The following ABHD14A variants were observed in gnomAD, a reference collection of about 807,000 sequenced individuals.
ABHD14A encodes the protein protein ABHD14A.
A neutral mutation model predicts 27.0 loss-of-function variants in ABHD14A; 19 were observed. The observed-to-expected ratio is 0.70, with a 90% CI of 0.49 to 1.03. The LOEUF is 1.03. ABHD14A is among the 50% of genes least tolerant of loss of function. The pLI is 0.00. For missense variants in ABHD14A, 311 were observed against 344.6 expected, an observed-to-expected ratio of 0.90 and a Z score of 0.77; for synonymous variants, 148 against 158.8, an observed-to-expected ratio of 0.93 and a Z score of 0.51.
intron 1 of ABHD14A, among the ~76,000 whole-genome samples, chr3:51,976,090 A>C (rs1289106221): frequency 2.6e-5 from 4 of 152,252 alleles, no homozygotes; most frequent in African/African-American, 4.8e-5. Flanking sequence ...CCGAGTGGGC[A>C]GCAAGGAAAT....
At position 51,978,019 on chromosome 3, in the gene ABHD14A, G is replaced by C. The variant is rs772723513; in HGVS notation, c.218G>C (p.Gly73Ala). The change falls in exon 2 of 5, where the codon GGT becomes GCT. Residue 73 changes from glycine (G) to alanine (A), a missense_variant. Coordinates refer to ENST00000273596, the MANE Select transcript of ABHD14A (RefSeq NM_015407.5). ...GACCCCAATGTCACAGTCCTGGCTG[G>C]TCTCACCCCTGGCAACTCGCCCATC... ...WGDPNVTVLA[G>A]LTPGNSPIFY... 1.2e-6 allele frequency: 2 copies of C among 1,613,960 alleles called. No individual in the cohort carries two copies. The highest frequency in any genetic ancestry group is 2.2e-5 in the East Asian group (1 of 44,896).
At position 51,978,367 on chromosome 3, in the gene ABHD14A, C is replaced by G; in HGVS notation, c.390C>G (p.Asp130Glu). 1 of 1,551,190 alleles carries G rather than the reference C, an allele frequency of 6.4e-7. No homozygotes were observed. The highest frequency in any genetic ancestry group is 8.7e-7 in the Non-Finnish European group (1 of 1,146,600). ...GGGGCTACCGGGCCGTGGCCCTTGA[C>G]CTTCCAGGTGAGCACCCCCACCCCT... The part of the protein sequence containing the change: ...SQRGYRAVAL[D>E]LPGFGNSAPS... The change falls in exon 3 of 5, where the codon GAC becomes GAG. Residue 130 changes from aspartate (D) to glutamate (E), a missense_variant. Coordinates refer to ENST00000273596, the MANE Select transcript of ABHD14A (RefSeq NM_015407.5).
At position 51,975,216 on chromosome 3, in the gene ABHD14A, G is replaced by T; in HGVS notation, c.69+12G>T. 1 of 1,252,418 alleles carries T rather than the reference G, an allele frequency of 8.0e-7. No individual in the cohort carries two copies. 77.6% of individuals were successfully genotyped at this position (1,252,418 alleles called of 1,614,324 possible). ...TCCCGTTGGGCCCGGTGAGTCTCCCGGGGGAGGGAGGCCGGCCGGTGGCCC... is the reference window on the plus strand; with the variant it reads ...TCCCGTTGGGCCCGGTGAGTCTCCCTGGGGAGGGAGGCCGGCCGGTGGCCC... On this transcript the variant is annotated intron_variant, in intron 1 of 4. Transcript: ENST00000273596.
rs1700901721 is a variant in ABHD14A, at chr3:51,981,155, C to G, written c.*137C>G. The G allele has an allele frequency of 2.3e-6, 2 of 867,594 alleles. No individual in the cohort carries two copies. Among genetic ancestry groups the G allele is most frequent in the African/African-American group, 3.4e-5 (2 of 59,090 alleles). The allele number at this position is 867,594 out of a possible 1,614,324, so 53.7% of individuals were successfully genotyped here. On this transcript the variant is annotated 3_prime_UTR_variant, in exon 5 of 5. Coordinates refer to ENST00000273596, the MANE Select transcript of ABHD14A (RefSeq NM_015407.5). ...ACCCAGCCAGGACTCCTCATTTCAT[C>G]TCACAGACACAATAAAAAAGCATAT...
intron 2 of ABHD14A, 56 bp downstream of exon 2, chr3:51,978,138 GTGGGACCCCCATTATAC>G: frequency 6.4e-7 from 1 of 1,564,676 alleles, no homozygotes; most frequent in Non-Finnish European, 8.7e-7. Context: ...GAGTCCCTGT[GTGGGACCCCCATTATAC>G]TCAGGGTGCT....
intron 3 of ABHD14A, 101 bp from the exon 4 acceptor site, chr3:51,980,292 G>T: frequency 9.9e-7 from 1 of 1,007,692 alleles, no homozygotes; most frequent in Non-Finnish European, 1.6e-6. Flanking sequence ...GGTAGTGTGT[G>T]CCAGTGCCAG....
At chr3:51,975,833 G>A (rs986753021) in intron 1 of ABHD14A, among the ~76,000 whole-genome samples, 1 of 152,144 alleles carries the variant, frequency 6.6e-6, no homozygotes, top group Non-Finnish European at 1.5e-5. Flanking sequence ...TACATGCAGG[G>A]AATAGCTTGT....
intron 3 of ABHD14A, 173 bp from the exon 4 acceptor site, chr3:51,980,220 C>G: frequency 1.4e-6 from 1 of 727,714 alleles, no homozygotes; most frequent in Non-Finnish European, 2.5e-6. Flanking sequence ...CCACTCTCGG[C>G]CAAGATATGC....
At chr3:51,979,516 G>C (rs1414707361) in intron 3 of ABHD14A, among the ~76,000 whole-genome samples, 2 of 140,388 alleles carry the variant, frequency 1.4e-5, no homozygotes, top group Non-Finnish European at 3.0e-5. Context: ...ACAGAGCCTC[G>C]CTCTGTCACC....
chr3:51,980,578 G>C lies in ABHD14A; in HGVS notation c.583G>C (p.Ala195Pro), dbSNP rs141581474. Residue 195 changes from alanine (A) to proline (P), a missense_variant, in exon 4 of 5, where the codon GCA (alanine) becomes CCA (proline). By Grantham distance (27) the Ala-to-Pro change is conservative. Transcript: ENST00000273596. The part of the protein sequence containing the change: ...HHQLHGFVPI[A>P]PTSTQNYTQE... ...CCAGCTACATGGATTTGTGCCCATCGCACCCACCTCCACCCAGAACTACAC... is the reference window on the plus strand; with the variant it reads ...CCAGCTACATGGATTTGTGCCCATCCCACCCACCTCCACCCAGAACTACAC... 2.9e-5 allele frequency: 46 copies of C among 1,613,622 alleles called. No individual in the cohort carries two copies. The African/African-American group carries it at 5.6e-4, about 20-fold the overall frequency.
intron 3 of ABHD14A, 172 bp from the exon 4 acceptor site, chr3:51,980,221 C>A: frequency 2.7e-6 from 2 of 730,188 alleles, no homozygotes. Context: ...CACTCTCGGC[C>A]AAGATATGCT....
chr3:51,979,464 TG>T (rs201299862), intron 3 of ABHD14A, among the ~76,000 whole-genome samples: 9 of 151,430 alleles, frequency 5.9e-5, no homozygotes, highest in African/African-American at 2.2e-4. Context: ...GTTTTTTTTT[TG>T]TTTGTTTCTT....
rs762895482 is a variant in ABHD14A at position 51,978,356 on chromosome 3, G to A, written c.379G>A (p.Val127Met). Residue 127 changes from valine to methionine, a missense_variant, in exon 3 of 5, where the codon GTG becomes ATG. Transcript: ENST00000273596. ...QLLSQRGYRAVALDLPGFGNS... is the reference protein window; with the variant it reads ...QLLSQRGYRAMALDLPGFGNS... Reference sequence around the variant, plus strand: ...ACTGTCACAGAGGGGCTACCGGGCCGTGGCCCTTGACCTTCCAGGTGAGCA... The same window carrying A: ...ACTGTCACAGAGGGGCTACCGGGCCATGGCCCTTGACCTTCCAGGTGAGCA... The A allele has an allele frequency of 1.2e-4, 193 of 1,551,416 alleles. No individual in the cohort carries two copies. The highest frequency in any genetic ancestry group is 1.5e-4 in the East Asian group (6 of 40,926).
At chr3:51,979,347 A>G (rs1291387496) in intron 3 of ABHD14A, among the ~76,000 whole-genome samples, 1 of 152,088 alleles carries the variant, frequency 6.6e-6, no homozygotes, top group Non-Finnish European at 1.5e-5. Flanking sequence ...CTCAAGCAAT[A>G]TAGTAGCTAA....
In ABHD14A at chr3:51,977,998, C is replaced by T; in HGVS notation, c.197C>T (p.Pro66Leu). Residue 66 changes from proline (P) to leucine (L), a missense_variant, in exon 2 of 5, where the codon CCC (proline) becomes CTC (leucine). Pro to Leu is a moderately conservative substitution (Grantham distance 98, BLOSUM62 -3). Coordinates refer to ENST00000273596, the MANE Select transcript of ABHD14A (RefSeq NM_015407.5). ...PEQTSCLWGD[P>L]NVTVLAGLTP... ...CAGACTTCCTGCCTCTGGGGAGACC[C>T]CAATGTCACAGTCCTGGCTGGTCTC... The T allele has an allele frequency of 6.2e-7, 1 of 1,614,072 alleles. No homozygotes were observed. Among genetic ancestry groups the T allele is most frequent in the South Asian group, 1.1e-5 (1 of 91,088 alleles).
chr3:51,976,085 T>G (rs1700781406), intron 1 of ABHD14A, among the ~76,000 whole-genome samples: 1 of 152,188 alleles, frequency 6.6e-6, no homozygotes, highest in African/African-American at 2.4e-5. Context: ...GCGCCCCGAG[T>G]GGGCAGCAAG....
At position 51,980,546 on chromosome 3, in the gene ABHD14A, GCCA is replaced by G; in HGVS notation, c.558_560del (p.His186del). On this transcript the variant is annotated inframe_deletion, in exon 4 of 5. Coordinates refer to ENST00000273596, the MANE Select transcript of ABHD14A (RefSeq NM_015407.5). ...TATGCCCTGCCCTTCCTGATGCGAGGCCACCACCAGCTACATGGATTTGTGCCC... is the reference window on the plus strand; with the variant it reads ...TATGCCCTGCCCTTCCTGATGCGAGGCCACCAGCTACATGGATTTGTGCCC... The G allele has an allele frequency of 6.2e-7, 1 of 1,614,080 alleles. No individual in the cohort carries two copies. Among genetic ancestry groups the G allele is most frequent in the East Asian group, 2.2e-5 (1 of 44,876 alleles).
Position 51,979,490 on chromosome 3 carries a change from T to G in ABHD14A, c.398-903T>G, listed in dbSNP as rs1442061692. Reference sequence around the variant, plus strand: ...GTTTGTTTCTTTTTTTGTTTTTTGTTTTTTTTTTTTTTGAGACAGAGCCTC... The same window carrying G: ...GTTTGTTTCTTTTTTTGTTTTTTGTGTTTTTTTTTTTTGAGACAGAGCCTC... On this transcript the variant is annotated intron_variant, in intron 3 of 4. Transcript: ENST00000273596. Among the ~76,000 whole-genome samples the G allele has an allele frequency of 3.2e-5, 4 of 126,314 alleles. No individual in the cohort carries two copies. In the East Asian group the frequency reaches 6.7e-4, roughly 21 times the overall value. The allele number at this position is 126,314 out of a possible 152,430, so 82.9% of individuals were successfully genotyped here. A position where few individuals can be genotyped will look rare whatever the true frequency, so the allele number is the denominator to read the frequency against.
At chr3:51,978,988 ATG>A (rs751681421) in intron 3 of ABHD14A, 1 of 275,830 alleles carries the variant, frequency 3.6e-6, no homozygotes, top group Non-Finnish European at 7.8e-6. Context: ...AAATGAAAAA[ATG>A]TCGAGTCATA....
Sources: allele counts gnomAD v4.1 joint callset (sites outside exome capture counted in the v4.1 genomes callset), GRCh38; gene constraint gnomAD v4.1.1; transcripts MANE v1.5; gene names NCBI Gene and HGNC (gene_info 2026-07-23, HGNC 2026-07-21).